STXBP6: variants seen among roughly 807,000 people sequenced by gnomAD.
STXBP6 encodes syntaxin binding protein 6.
STXBP6 carries 21 observed loss-of-function variants against 26.9 expected under a neutral mutation model. The observed-to-expected ratio is 0.78, with a 90% CI of 0.55 to 1.12. The LOEUF is 1.12. Among genes scored for constraint, STXBP6 ranks in the 50% most tolerant of loss-of-function variants. STXBP6 has a pLI of 0.00. For synonymous variants in STXBP6, 97 were observed against 92.6 expected (o/e 1.05, Z -0.27); for missense variants, 232 against 257.9 (o/e 0.90, Z 0.69).
rs151146291 is a variant in STXBP6 at position 24,971,605 on chromosome 14, T to G, written c.154+3060A>C. On this transcript the variant is annotated intron_variant, in intron 2 of 5. Coordinates refer to ENST00000323944, the MANE Select transcript of STXBP6 (RefSeq NM_001394410.1). ...AGAGGTCCTAGACTGAATAGGAGAA[T>G]AGGAGAAATTCAAAATCCTGCTTAG... Among the ~76,000 whole-genome samples the G allele has an allele frequency of 1.8e-3, 275 of 152,210 alleles. 1 individual carries two copies. The highest frequency in any genetic ancestry group is 6.3e-3 in the African/African-American group (260 of 41,508).
chr14:24,992,345 G>A (rs1183751778), intron 1 of STXBP6, among the ~76,000 whole-genome samples: 1 of 151,870 alleles, frequency 6.6e-6, no homozygotes, highest in Non-Finnish European at 1.5e-5. Context: ...CATGACCAAT[G>A]CTGCAAAGGC....
chr14:24,845,369 T>C (rs913703044), intron 4 of STXBP6, among the ~76,000 whole-genome samples: 1 of 152,146 alleles, frequency 6.6e-6, no homozygotes, highest in Non-Finnish European at 1.5e-5. Flanking sequence ...CATGTAATTA[T>C]TAAGGAAAAC....
chr14:24,851,481 T>C (rs550375150), intron 4 of STXBP6, among the ~76,000 whole-genome samples: 13 of 145,166 alleles, frequency 9.0e-5, no homozygotes, highest in African/African-American at 3.3e-4. Context: ...AGTGAGAACA[T>C]GCGGTGTTTG....
intron 2 of STXBP6, among the ~76,000 whole-genome samples, chr14:24,965,430 T>C (rs1391552917): frequency 6.6e-6 from 1 of 151,096 alleles, no homozygotes; most frequent in Non-Finnish European, 1.5e-5. Flanking sequence ...TTTTGGGGGG[T>C]AAAGGTGGTG....
chr14:24,961,031 G>C (rs2073519708), intron 2 of STXBP6, among the ~76,000 whole-genome samples: 1 of 152,142 alleles, frequency 6.6e-6, no homozygotes. Context: ...TGTAAACATT[G>C]GCATCAGCTT....
At chr14:24,848,533 A>C (rs571313171) in intron 4 of STXBP6, among the ~76,000 whole-genome samples, 1 of 152,274 alleles carries the variant, frequency 6.6e-6, no homozygotes, top group Admixed American at 6.5e-5. Context: ...AAGTACCTTT[A>C]CGTAAGTCTT....
intron 1 of STXBP6, among the ~76,000 whole-genome samples, chr14:25,008,207 A>G (rs2140364304): frequency 6.6e-6 from 1 of 152,318 alleles, no homozygotes; most frequent in East Asian, 1.9e-4. Context: ...TTAAGTTTTA[A>G]AAGTTTATCT....
chr14:24,874,300 T>C lies in STXBP6; in HGVS notation c.155-17143A>G, dbSNP rs118034402. On this transcript the variant is annotated intron_variant, in intron 2 of 5. Coordinates refer to ENST00000323944, the MANE Select transcript of STXBP6 (RefSeq NM_001394410.1). ...AGAGGGATAGTCACTCAGATTCTGA[T>C]GTCCAGTGCTTATGCCCTAATTTCA... is the stretch of plus-strand genomic sequence containing the variant. 1.0e-2 allele frequency among the ~76,000 whole-genome samples: 1,517 copies of C among 152,250 alleles called. 14 individuals are homozygous for C. Among genetic ancestry groups the C allele is most frequent in the Non-Finnish European group, 0.017 (1,143 of 68,004 alleles).
chr14:24,872,355 G>C (rs891026377), intron 2 of STXBP6, among the ~76,000 whole-genome samples: 1 of 152,180 alleles, frequency 6.6e-6, no homozygotes, highest in African/African-American at 2.4e-5. Flanking sequence ...AGTTCTCCAA[G>C]TGTCTTTTTA....
Position 25,049,678 on chromosome 14 carries a change from C to G in STXBP6, c.-33+200G>C. 1.0e-6 allele frequency: 1 copy of G among 985,826 alleles called. No homozygotes were observed. The highest frequency in any genetic ancestry group is 1.2e-6 in the Non-Finnish European group (1 of 830,286). The allele number at this position is 985,826 out of a possible 1,614,324, so 61.1% of individuals were successfully genotyped here. A position where few individuals can be genotyped will look rare whatever the true frequency, so the allele number is the denominator to read the frequency against. Reference sequence around the variant, plus strand: ...GTCCCTCTCTGCGCGCACAAAGCAGCTGCGCCGGGGCGCGCGGCCCCCTCT... The same window carrying G: ...GTCCCTCTCTGCGCGCACAAAGCAGGTGCGCCGGGGCGCGCGGCCCCCTCT... On this transcript the variant is annotated intron_variant, in intron 1 of 5. Coordinates refer to ENST00000323944, the MANE Select transcript of STXBP6 (RefSeq NM_001394410.1). This position sits in a 1 kb window ranked among gnomAD's most constrained non-coding sequence, Gnocchi z 5.6.
intron 4 of STXBP6, among the ~76,000 whole-genome samples, chr14:24,851,925 T>C (rs538182274): frequency 2.0e-5 from 3 of 152,108 alleles, no homozygotes; most frequent in Non-Finnish European, 4.4e-5. Context: ...ATAAATACAA[T>C]TTAAAAGCTG....
At chr14:24,878,122 T>C (rs2139399798) in intron 2 of STXBP6, among the ~76,000 whole-genome samples, 1 of 152,296 alleles carries the variant, frequency 6.6e-6, no homozygotes, top group Admixed American at 6.5e-5. Context: ...CTAAGGAGAT[T>C]AGCCCTTTGT....
intron 2 of STXBP6, among the ~76,000 whole-genome samples, chr14:24,970,709 T>A (rs554390961): frequency 6.6e-6 from 1 of 152,332 alleles, no homozygotes; most frequent in South Asian, 2.1e-4. Context: ...TTTAGGTGGA[T>A]GTATGTTTTT....
chr14:24,917,855 T>C (rs919832667), intron 2 of STXBP6, among the ~76,000 whole-genome samples: 2 of 152,068 alleles, frequency 1.3e-5, no homozygotes, highest in Non-Finnish European at 2.9e-5. Context: ...TATTACAACA[T>C]GGATGACTTT....
intron 2 of STXBP6, among the ~76,000 whole-genome samples, chr14:24,945,139 A>ATATTTTTTT (rs2072937548): frequency 8.9e-5 from 9 of 100,652 alleles, no homozygotes; most frequent in African/African-American, 2.5e-4. Context: ...CCAATTAGGA[A>ATATTTTTTT]TTTTTTTTTT....
At chr14:24,866,950 AAAC>A (rs2069744617) in intron 2 of STXBP6, among the ~76,000 whole-genome samples, 1 of 152,108 alleles carries the variant, frequency 6.6e-6, no homozygotes, top group Non-Finnish European at 1.5e-5. Flanking sequence ...AGAAGAGCAA[AAAC>A]AACTGTGGGA....
rs887536579 is a variant in STXBP6, at chr14:24,950,981, G to A, written c.154+23684C>T. On this transcript the variant is annotated intron_variant, in intron 2 of 5. Transcript: ENST00000323944. ...GTTCAACTCCCATTTATGAGTGAGA[G>A]CATGCGGTTTTGGTTTTCTGTTCTT... 4.6e-5 allele frequency among the ~76,000 whole-genome samples: 7 copies of A among 151,990 alleles called. 2 individuals carry two copies. Among genetic ancestry groups the A allele is most frequent in the Admixed American group, 3.9e-4 (6 of 15,256 alleles).
At chr14:24,976,590 G>C (rs74808943) in intron 1 of STXBP6, among the ~76,000 whole-genome samples, 1 of 152,046 alleles carries the variant, frequency 6.6e-6, no homozygotes, top group Non-Finnish European at 1.5e-5. Context: ...TAACTGATAC[G>C]GTATGATTTC....
chr14:24,986,911 C>T (rs1040580228), intron 1 of STXBP6, among the ~76,000 whole-genome samples: 31 of 152,138 alleles, frequency 2.0e-4, no homozygotes, highest in African/African-American at 6.0e-4. Context: ...AACAGAATAG[C>T]CTACAAATCC....
Sources: gnomAD v4.1 joint callset for allele counts (sites outside exome capture counted in the v4.1 genomes callset) on GRCh38, gnomAD v4.1.1 for gene constraint, Gnocchi (gnomAD v3.1) non-coding constraint, MANE v1.5 for transcripts, NCBI Gene and HGNC (gene_info 2026-07-23, HGNC 2026-07-21) for gene names.